Variants in VSTM2B observed in about 807,000 individuals in gnomAD.
VSTM2B encodes the protein V-set and transmembrane domain containing 2B, also known as V-set and transmembrane domain-containing protein 2B.
Under a neutral mutation model 24.0 loss-of-function variants are expected in VSTM2B, and 24 were observed. The observed-to-expected ratio is 1.00, with a 90% CI of 0.72 to 1.40. The LOEUF (loss-of-function observed/expected upper bound fraction) is 1.40. Among genes scored for constraint, VSTM2B ranks in the 40% most tolerant of loss-of-function variants. The probability of loss-of-function intolerance (pLI) is 0.00; values close to 1 mark genes in which losing one functional copy is unlikely to be tolerated. For missense variants in VSTM2B, 399 were observed against 416.4 expected, an observed-to-expected ratio of 0.96 and a Z score of 0.36; for synonymous variants, 226 against 194.4, an observed-to-expected ratio of 1.16 and a Z score of -1.35.
chr19:29,533,552 T>C (rs1042040195), intron 4 of VSTM2B, among the ~76,000 whole-genome samples: 3 of 152,008 alleles, frequency 2.0e-5, no homozygotes, highest in Admixed American at 1.3e-4. Context: ...CTCTTGAGAG[T>C]GGTTCTGCTC....
rs149834814 is a variant in VSTM2B, at chr19:29,550,761, G to C, written c.770-13085G>C. ...CAGGCTGCAAGAGCCAGACCAGCCT[G>C]TTGTCCATTTTTGTGTGTAGAGCCA... On this transcript the variant is annotated intron_variant, in intron 4 of 4. Coordinates refer to ENST00000335523, the MANE Select transcript of VSTM2B (RefSeq NM_001146339.2). Among the ~76,000 whole-genome samples, 23 of 151,726 alleles carry C rather than the reference G, an allele frequency of 1.5e-4. No individual in the cohort carries two copies. In the East Asian group the frequency reaches 4.1e-3, roughly 27 times the overall value.
intron 4 of VSTM2B, among the ~76,000 whole-genome samples, chr19:29,551,707 A>G (rs548175034): frequency 1.3e-5 from 2 of 152,326 alleles, no homozygotes; most frequent in South Asian, 4.1e-4. Flanking sequence ...TCACCTCTCA[A>G]GCAGCCTGAT....
intron 4 of VSTM2B, among the ~76,000 whole-genome samples, chr19:29,536,665 G>T (rs34561120): frequency 0.044 from 6,657 of 152,244 alleles, 199 homozygotes; most frequent in Middle Eastern, 0.075. Context: ...AGAAGACAGA[G>T]CGCTCTCTCT....
chr19:29,541,388 A>T (rs1970014586), intron 4 of VSTM2B, among the ~76,000 whole-genome samples: 1 of 152,096 alleles, frequency 6.6e-6, no homozygotes, highest in African/African-American at 2.4e-5. Flanking sequence ...TGGGGTGATA[A>T]AAACAAGTAG....
intron 4 of VSTM2B, among the ~76,000 whole-genome samples, chr19:29,553,745 G>A (rs889900315): frequency 2.6e-5 from 4 of 152,186 alleles, no homozygotes; most frequent in Non-Finnish European, 5.9e-5. Context: ...TGATGGAGCT[G>A]AGAAACACAA....
rs183904530 is a variant in VSTM2B, at chr19:29,530,429, G to A, written c.769+139G>A. ...ATGCATACTCCTTCCTAGTTAGGTCGGGAGCGCCCCCCCCAGGGCCTTCTT... is the reference window on the plus strand; with the variant it reads ...ATGCATACTCCTTCCTAGTTAGGTCAGGAGCGCCCCCCCCAGGGCCTTCTT... On this transcript the variant is annotated intron_variant, in intron 4 of 4. Coordinates refer to ENST00000335523, the MANE Select transcript of VSTM2B (RefSeq NM_001146339.2). The A allele has an allele frequency of 1.5e-3, 1,069 of 725,270 alleles. 15 individuals carry two copies. The African/African-American group carries it at 0.021, about 14-fold the overall frequency. The allele number at this position is 725,270 out of a possible 1,614,324, so 44.9% of individuals were successfully genotyped here. A position where few individuals can be genotyped will look rare whatever the true frequency, so the allele number is the denominator to read the frequency against.
In VSTM2B at chr19:29,530,213, T is replaced by C. The variant is rs1468326248; in HGVS notation, c.692T>C (p.Val231Ala). The C allele has an allele frequency of 6.7e-7, 1 of 1,502,798 alleles. No individual in the cohort carries two copies. Among genetic ancestry groups the C allele is most frequent in the Non-Finnish European group, 8.8e-7 (1 of 1,132,896 alleles). 93.1% of individuals were successfully genotyped at this position (1,502,798 alleles called of 1,614,324 possible). A position where few individuals can be genotyped will look rare whatever the true frequency, so the allele number is the denominator to read the frequency against. The change falls in exon 4 of 5, where the codon GTC becomes GCC. Residue 231 changes from valine to alanine, a missense_variant. By Grantham distance (64) the Val-to-Ala change is moderately conservative. Transcript: ENST00000335523. ...GCGGCCCACACGCCCACCACCACAG[T>C]CGCGGCAGCTGCTGCTGCCTCGTCA... ...ASAAHTPTTTVAAAAAASSAS... is the reference protein window; with the variant it reads ...ASAAHTPTTTAAAAAAASSAS...
intron 4 of VSTM2B, among the ~76,000 whole-genome samples, chr19:29,557,527 A>G (rs1314031007): frequency 6.6e-6 from 1 of 152,106 alleles, no homozygotes; most frequent in Non-Finnish European, 1.5e-5. Flanking sequence ...GTGAAACCCC[A>G]TCTCTACTGA....
intron 4 of VSTM2B, among the ~76,000 whole-genome samples, chr19:29,541,434 A>G (rs1970015516): frequency 6.6e-6 from 1 of 152,038 alleles, no homozygotes; most frequent in African/African-American, 2.4e-5. Context: ...GTGTGAATGG[A>G]TGGGGGATGA....
rs142537977 is a variant in VSTM2B, at chr19:29,544,558, T to C, written c.769+14268T>C. ...AAAAAAAAAAAAAAAAAAAAAAAAC[T>C]GAATGTGCCATAATAGAATGAAAAG... On this transcript the variant is annotated intron_variant, in intron 4 of 4. Coordinates refer to ENST00000335523, the MANE Select transcript of VSTM2B (RefSeq NM_001146339.2). Among the ~76,000 whole-genome samples, 418 of 100,028 alleles carry C rather than the reference T, an allele frequency of 4.2e-3. 16 individuals carry two copies. The East Asian group carries it at 0.11, about 26-fold the overall frequency. The allele number at this position is 100,028 out of a possible 152,430, so 65.6% of individuals were successfully genotyped here. A position where few individuals can be genotyped will look rare whatever the true frequency, so the allele number is the denominator to read the frequency against.
intron 4 of VSTM2B, among the ~76,000 whole-genome samples, chr19:29,548,617 C>T (rs1970203068): frequency 6.6e-6 from 1 of 152,190 alleles, no homozygotes; most frequent in African/African-American, 2.4e-5. Context: ...GCGGGCTGGG[C>T]CAGTGCTGCG....
At chr19:29,530,372 A>G (rs968433191) in intron 4 of VSTM2B, 82 bp downstream of exon 4, 2 of 1,270,030 alleles carry the variant, frequency 1.6e-6, no homozygotes, top group Middle Eastern at 2.8e-4. Flanking sequence ...GGGGCTCCGG[A>G]CCCAGGACCC....
intron 3 of VSTM2B, among the ~76,000 whole-genome samples, chr19:29,529,363 A>G (rs938131461): frequency 6.6e-6 from 1 of 151,450 alleles, no homozygotes; most frequent in Non-Finnish European, 1.5e-5. Flanking sequence ...GTGCTCCGGG[A>G]GGTGAGGAGG....
chr19:29,536,765 G>A (rs955506648), intron 4 of VSTM2B, among the ~76,000 whole-genome samples: 5 of 152,038 alleles, frequency 3.3e-5, no homozygotes, highest in African/African-American at 4.8e-5. Flanking sequence ...AAATGTCACC[G>A]GGAACTAACC....
intron 4 of VSTM2B, among the ~76,000 whole-genome samples, chr19:29,554,305 A>G (rs1970357610): frequency 6.6e-6 from 1 of 152,240 alleles, no homozygotes; most frequent in African/African-American, 2.4e-5. Flanking sequence ...ACAGAATATC[A>G]TATCCAGCCA....
At chr19:29,537,503 A>T (rs1190676317) in intron 4 of VSTM2B, among the ~76,000 whole-genome samples, 1 of 152,082 alleles carries the variant, frequency 6.6e-6, no homozygotes, top group African/African-American at 2.4e-5. Context: ...CCTGCCAGCA[A>T]TCCTGTTTCT....
intron 4 of VSTM2B, among the ~76,000 whole-genome samples, chr19:29,558,912 A>G (rs1970471731): frequency 6.6e-6 from 1 of 152,198 alleles, no homozygotes; most frequent in Non-Finnish European, 1.5e-5. Context: ...CCACAATGAG[A>G]TACCATCTCA....
intron 4 of VSTM2B, among the ~76,000 whole-genome samples, chr19:29,535,283 T>G (rs1969860389): frequency 6.6e-6 from 1 of 152,076 alleles, no homozygotes; most frequent in Non-Finnish European, 1.5e-5. Flanking sequence ...GACTAACACT[T>G]CTAAATGGAA....
At position 29,530,100 on chromosome 19, in the gene VSTM2B, C is replaced by T; in HGVS notation, c.579C>T (p.Ser193=). The T allele has an allele frequency of 1.4e-6, 2 of 1,452,066 alleles. No homozygotes were observed. Among genetic ancestry groups the T allele is most frequent in the African/African-American group, 1.5e-5 (1 of 67,342 alleles). 89.9% of individuals were successfully genotyped at this position (1,452,066 alleles called of 1,614,324 possible). ...NNAGAASRTT[S]EPGRGDKSPP... is the part of the protein sequence containing the mutation. ...CGGGCGCCGCGAGCCGTACCACCTC[C>T]GAGCCCGGCCGCGGCGACAAGAGCC... The change falls in exon 4 of 5, where the codon TCC becomes TCT. Residue 193 remains serine, a synonymous_variant. Coordinates refer to ENST00000335523, the MANE Select transcript of VSTM2B (RefSeq NM_001146339.2).
Sources: allele counts gnomAD v4.1 joint callset (sites outside exome capture counted in the v4.1 genomes callset), GRCh38; gene constraint gnomAD v4.1.1; transcripts MANE v1.5; gene names NCBI Gene and HGNC (gene_info 2026-07-23, HGNC 2026-07-21).